TRIM37: variants seen among roughly 807,000 people sequenced by gnomAD.
The protein encoded by TRIM37 is E3 ubiquitin-protein ligase TRIM37.
Under a neutral mutation model 129.8 loss-of-function variants are expected in TRIM37, and 80 were observed. The ratio of observed to expected loss-of-function variants is 0.62; its 90% CI spans 0.51 to 0.74. The LOEUF is 0.74. Among genes scored for constraint, TRIM37 ranks in the 30% least tolerant of loss-of-function variants. The pLI, the probability that TRIM37 is intolerant of heterozygous loss-of-function variation, is 0.00. For synonymous variants in TRIM37, 389 were observed against 387.1 expected, an observed-to-expected ratio of 1.00 and a Z score of -0.06; for missense variants, 1,054 against 1,176.5, an observed-to-expected ratio of 0.90 and a Z score of 1.52.
chr17:58,976,599 A>G, the TRIM37 span, among the ~76,000 whole-genome samples: 2 of 152,210 alleles, frequency 1.3e-5, no homozygotes, highest in Admixed American at 6.5e-5. Context: ...CAGAGGCATG[A>G]TATGTTTCCT....
downstream of TRIM37, among the ~76,000 whole-genome samples, chr17:58,997,557 G>A (rs2033131426): frequency 6.6e-6 from 1 of 152,168 alleles, no homozygotes; most frequent in Middle Eastern, 3.4e-3. Context: ...AGTTAAAGTT[G>A]TCCAGAAAGG....
chr17:59,098,415 T>G (rs2045118755), intron 2 of TRIM37, among the ~76,000 whole-genome samples: 1 of 152,064 alleles, frequency 6.6e-6, no homozygotes, highest in East Asian at 1.9e-4. Flanking sequence ...TCTGTAATCC[T>G]AGCACTTGGG....
downstream of TRIM37, among the ~76,000 whole-genome samples, chr17:58,996,049 G>C (rs1009250497): frequency 1.3e-5 from 2 of 152,042 alleles, no homozygotes; most frequent in African/African-American, 4.8e-5. Context: ...TATCTGCATA[G>C]TTTCAAAGTA....
At chr17:58,990,452 C>T (rs1227921343) in intron 24 of TRIM37, among the ~76,000 whole-genome samples, 1 of 151,510 alleles carries the variant, frequency 6.6e-6, no homozygotes, top group East Asian at 1.9e-4. Context: ...GATCGAGCCA[C>T]TGCACTCCAG....
chr17:58,993,463 T>TA (rs556501649), downstream of TRIM37, among the ~76,000 whole-genome samples: 72 of 152,162 alleles, frequency 4.7e-4, no homozygotes, highest in Non-Finnish European at 8.2e-4. Context: ...TGCTCAGCAA[T>TA]AAAAAAGAAG....
At chr17:58,986,173 G>A (rs1328155253) in intron 24 of TRIM37, among the ~76,000 whole-genome samples, 1 of 127,838 alleles carries the variant, frequency 7.8e-6, no homozygotes, top group Admixed American at 8.0e-5. Flanking sequence ...CCCCACACCC[G>A]CCCCCTGTTG....
chr17:59,046,270 GA>G (rs1341018493), intron 16 of TRIM37, among the ~76,000 whole-genome samples: 1 of 152,072 alleles, frequency 6.6e-6, no homozygotes, highest in Non-Finnish European at 1.5e-5. Context: ...AATTATAAAG[GA>G]AAAAGTACAA....
At chr17:59,021,702 C>G (rs1008264788) in intron 19 of TRIM37, among the ~76,000 whole-genome samples, 1 of 151,662 alleles carries the variant, frequency 6.6e-6, no homozygotes, top group African/African-American at 2.4e-5. Context: ...ATCTAGTATT[C>G]GTTAGTACAA....
intron 22 of TRIM37, among the ~76,000 whole-genome samples, chr17:59,010,513 A>C (rs1488482315): frequency 1.3e-5 from 2 of 152,164 alleles, no homozygotes; most frequent in Non-Finnish European, 2.9e-5. Context: ...CTGTCATTTG[A>C]GATAGAGTCT....
At chr17:59,073,164 C>T (rs1425532313) in intron 8 of TRIM37, 1 of 152,212 alleles carries the variant, frequency 6.6e-6, no homozygotes, top group Non-Finnish European at 1.5e-5. Flanking sequence ...TTTATTATCA[C>T]TATACATGTG....
At chr17:59,001,495 C>G (rs996742862) in intron 23 of TRIM37, 103 bp downstream of exon 23, 16 of 1,399,510 alleles carry the variant, frequency 1.1e-5, no homozygotes, top group Non-Finnish European at 1.5e-5. Flanking sequence ...GAAGCAAAAG[C>G]AGTAGAGCGG....
At chr17:59,011,329 T>C (rs1598874973) in intron 22 of TRIM37, among the ~76,000 whole-genome samples, 1 of 152,186 alleles carries the variant, frequency 6.6e-6, no homozygotes, top group Non-Finnish European at 1.5e-5. Flanking sequence ...ATGCTGCCCA[T>C]CACAGAAGCA....
intron 1 of TRIM37, 108 bp from the exon 2 acceptor site, chr17:59,104,502 CAATTTT>C: frequency 1.0e-6 from 1 of 955,902 alleles, no homozygotes; most frequent in Non-Finnish European, 1.7e-6. Flanking sequence ...GCTGATCTCT[CAATTTT>C]AACTATTCCA....
At chr17:59,034,489 A>G (rs948085787) in intron 17 of TRIM37, among the ~76,000 whole-genome samples, 3 of 151,486 alleles carry the variant, frequency 2.0e-5, no homozygotes, top group African/African-American at 7.3e-5. Context: ...CCTCCCTAGT[A>G]GCTGGGATTA....
intron 18 of TRIM37, among the ~76,000 whole-genome samples, chr17:59,029,176 C>A (rs1251444853): frequency 6.6e-6 from 1 of 151,964 alleles, no homozygotes; most frequent in Non-Finnish European, 1.5e-5. Flanking sequence ...GCCTGTAATC[C>A]CAGCACTTCA....
intron 8 of TRIM37, 76 bp downstream of exon 8, chr17:59,075,563 CAAAAAAAA>C (rs34467573): frequency 1.4e-5 from 7 of 491,478 alleles, no homozygotes; most frequent in African/African-American, 3.5e-5. Context: ...GACTCCATCT[CAAAAAAAA>C]AAAAAAAAAA....
At chr17:58,973,806 G>C in the TRIM37 span, among the ~76,000 whole-genome samples, 1 of 152,026 alleles carries the variant, frequency 6.6e-6, no homozygotes, top group African/African-American at 2.4e-5. Flanking sequence ...TAAAAAATTA[G>C]CTGGGTGTTG....
At chr17:59,104,157 G>C in intron 2 of TRIM37, 136 bp downstream of exon 2, 1 of 718,242 alleles carries the variant, frequency 1.4e-6, no homozygotes, top group Non-Finnish European at 2.4e-6. Flanking sequence ...ATTTATCTTA[G>C]TATTCCTCAA....
At position 59,049,358 on chromosome 17, in the gene TRIM37, T is replaced by A. The variant is rs1309600015; in HGVS notation, c.1350A>T (p.Ser450=). ...GGTTATCTGGTGGTGACAAATCTCT[T>A]GACTTCTGAGTTCGAGACAGCTCAA... ...LTIELSRTQK[S]RDLSPPDNHL... The change falls in exon 15 of 24, where the codon TCA becomes TCT. Residue 450 remains serine (S), a synonymous_variant. Coordinates refer to ENST00000262294, the MANE Select transcript of TRIM37 (RefSeq NM_015294.6). The A allele has an allele frequency of 6.2e-7, 1 of 1,614,144 alleles. No homozygotes were observed. Among genetic ancestry groups the A allele is most frequent in the South Asian group, 1.1e-5 (1 of 91,084 alleles).
Sources: allele counts gnomAD v4.1 joint callset (sites outside exome capture counted in the v4.1 genomes callset), GRCh38; gene constraint gnomAD v4.1.1; transcripts MANE v1.5; gene names NCBI Gene and HGNC (gene_info 2026-07-23, HGNC 2026-07-21).